PEX7: variants seen among roughly 807,000 people sequenced by gnomAD.
PEX7 encodes PTS2 receptor.
Under a neutral mutation model 47.5 loss-of-function variants are expected in PEX7, and 34 were observed. That is an observed-to-expected ratio of 0.72 (90% CI 0.54 to 0.95). PEX7 has a LOEUF of 0.95. Among genes scored for constraint, PEX7 ranks in the 40% least tolerant of loss-of-function variants. PEX7 has a pLI of 0.00. For synonymous variants in PEX7, 141 were observed against 148.8 expected (o/e 0.95, Z 0.38); for missense variants, 394 against 400.3 (o/e 0.98, Z 0.13).
chr6:136,843,079 T>C (rs1774531569), intron 3 of PEX7, among the ~76,000 whole-genome samples: 1 of 152,296 alleles, frequency 6.6e-6, no homozygotes, highest in South Asian at 2.1e-4. Flanking sequence ...GAAGTTCTGA[T>C]TCAACAGTGC....
At chr6:136,835,198 T>A (rs561527808) in intron 3 of PEX7, among the ~76,000 whole-genome samples, 9 of 152,112 alleles carry the variant, frequency 5.9e-5, no homozygotes, top group Non-Finnish European at 8.8e-5. Flanking sequence ...GTGTTGGGAT[T>A]ACAGGCTTGA....
At chr6:136,906,996 A>G (rs757204956) in intron 9 of PEX7, among the ~76,000 whole-genome samples, 1 of 152,090 alleles carries the variant, frequency 6.6e-6, no homozygotes, top group Non-Finnish European at 1.5e-5. Context: ...TCACCATCCT[A>G]TGTAATCCTC....
At chr6:136,908,491 G>A (rs538723255) in intron 9 of PEX7, among the ~76,000 whole-genome samples, 11 of 152,080 alleles carry the variant, frequency 7.2e-5, no homozygotes, top group African/African-American at 2.4e-4. Context: ...GAAAAGATTA[G>A]CATGTTGGTC....
intron 3 of PEX7, among the ~76,000 whole-genome samples, chr6:136,827,466 G>A (rs1204646234): frequency 6.6e-6 from 1 of 151,618 alleles, no homozygotes; most frequent in Non-Finnish European, 1.5e-5. Flanking sequence ...AGAACAGTAT[G>A]TCCAAAATTC....
chr6:136,832,035 C>A (rs187838915), intron 3 of PEX7, among the ~76,000 whole-genome samples: 70 of 152,354 alleles, frequency 4.6e-4, no homozygotes, highest in South Asian at 1.0e-3. Context: ...GGCCTTCAAC[C>A]CCACATTTTC....
chr6:136,908,474 C>A (rs1027236001), intron 9 of PEX7, among the ~76,000 whole-genome samples: 1 of 151,770 alleles, frequency 6.6e-6, no homozygotes. Flanking sequence ...TTAATTCTGA[C>A]TTTGATGAAA....
chr6:136,837,635 TTTA>T (rs1454313979), intron 3 of PEX7, among the ~76,000 whole-genome samples: 85 of 152,276 alleles, frequency 5.6e-4, no homozygotes, highest in Admixed American at 1.7e-3. Context: ...GGAGAAGTCA[TTTA>T]TTCCAGAGCT....
At chr6:136,827,650 A>G (rs555991424) in intron 3 of PEX7, among the ~76,000 whole-genome samples, 1 of 151,928 alleles carries the variant, frequency 6.6e-6, no homozygotes, top group East Asian at 1.9e-4. Context: ...CTCATGTCTT[A>G]GCCACCCGAG....
intron 8 of PEX7, among the ~76,000 whole-genome samples, chr6:136,891,648 GC>G (rs1357844093): frequency 6.1e-5 from 9 of 148,676 alleles, no homozygotes; most frequent in Non-Finnish European, 1.3e-4. Flanking sequence ...TTGTTCAACA[GC>G]CCTTTTTTTT....
intron 3 of PEX7, among the ~76,000 whole-genome samples, chr6:136,830,724 G>A (rs1242301474): frequency 2.0e-5 from 3 of 152,198 alleles, no homozygotes; most frequent in Admixed American, 6.5e-5. Flanking sequence ...TACTGAGAGT[G>A]AGTTAAAGTG....
intron 6 of PEX7, among the ~76,000 whole-genome samples, chr6:136,868,440 T>C (rs1288932021): frequency 6.6e-6 from 1 of 152,062 alleles, no homozygotes. Context: ...TAAAATATAG[T>C]ATATATACAA....
intron 9 of PEX7, chr6:136,901,181 T>G (rs191967538): frequency 6.6e-6 from 1 of 152,442 alleles, no homozygotes; most frequent in Non-Finnish European, 1.5e-5. Flanking sequence ...AGGAGAGAGA[T>G]AATTTGTATA....
intron 5 of PEX7, among the ~76,000 whole-genome samples, chr6:136,854,658 G>A (rs909448644): frequency 2.0e-5 from 3 of 152,158 alleles, no homozygotes; most frequent in African/African-American, 7.2e-5. Context: ...TAAAGTTCTT[G>A]TAAGGATGTG....
chr6:136,870,633 G>A (rs750855570), intron 7 of PEX7: 10 of 217,594 alleles, frequency 4.6e-5, no homozygotes, highest in Admixed American at 5.8e-5. Context: ...GTTTTTTTAC[G>A]TTAAGGATAA....
chr6:136,870,132 A>G (rs747695749), intron 7 of PEX7, 129 bp downstream of exon 7: 13 of 588,204 alleles, frequency 2.2e-5, no homozygotes, highest in Non-Finnish European at 3.6e-5. Flanking sequence ...TGTTTTTGTT[A>G]CCCAATTAAT....
intron 5 of PEX7, among the ~76,000 whole-genome samples, chr6:136,865,881 G>A (rs1395255157): frequency 2.6e-5 from 4 of 151,970 alleles, no homozygotes; most frequent in Non-Finnish European, 5.9e-5. Flanking sequence ...TCAGGCAATC[G>A]AGATCATCCT....
Position 136,885,620 on chromosome 6 carries a change from A to G in PEX7, c.804-12522A>G, listed in dbSNP as rs187638434. Among the ~76,000 whole-genome samples, 4 of 152,358 alleles carry G rather than the reference A, an allele frequency of 2.6e-5. No individual in the cohort carries two copies. The East Asian group carries it at 7.7e-4, about 29-fold the overall frequency. ...TCTGTTATCTGCCAGCCATTGTAAT[A>G]GACAGTTTGAAATGTCTTTTTGAGG... On this transcript the variant is annotated intron_variant, in intron 8 of 9. Transcript: ENST00000318471.
intron 5 of PEX7, among the ~76,000 whole-genome samples, chr6:136,852,170 A>C (rs1173622474): frequency 2.0e-5 from 3 of 151,068 alleles, no homozygotes; most frequent in Non-Finnish European, 4.4e-5. Flanking sequence ...TCTTGAATTG[A>C]TTTTTGTATA....
At chr6:136,897,308 C>A (rs1242428266) in intron 8 of PEX7, among the ~76,000 whole-genome samples, 1 of 152,146 alleles carries the variant, frequency 6.6e-6, no homozygotes, top group Non-Finnish European at 1.5e-5. Context: ...ACTCTGTGAT[C>A]CTGAATGTGC....
Sources: allele counts gnomAD v4.1 joint callset (sites outside exome capture counted in the v4.1 genomes callset), GRCh38; gene constraint gnomAD v4.1.1; transcripts MANE v1.5; gene names NCBI Gene and HGNC (gene_info 2026-07-23, HGNC 2026-07-21).